The following NR3C1 variants were observed in gnomAD, a reference collection of about 807,000 sequenced individuals.
NR3C1 encodes nuclear receptor subfamily 3 group C member 1.
NR3C1 carries 14 observed loss-of-function variants against 74.0 expected under a neutral mutation model. The ratio of observed to expected loss-of-function variants is 0.19; its 90% CI spans 0.12 to 0.30. The LOEUF (loss-of-function observed/expected upper bound fraction) is 0.30, where lower values mean the gene tolerates loss of function less well. Among genes scored for constraint, NR3C1 ranks in the 10% least tolerant of loss-of-function variants. The pLI, the probability that NR3C1 is intolerant of heterozygous loss-of-function variation, is 1.00. For missense variants in NR3C1, 695 were observed against 909.8 expected (o/e 0.76, Z 3.04); for synonymous variants, 308 against 332.5 (o/e 0.93, Z 0.80).
chr5:143,284,199 G>GC (rs1176634557), intron 7 of NR3C1, among the ~76,000 whole-genome samples: 1 of 152,006 alleles, frequency 6.6e-6, no homozygotes, highest in Admixed American at 6.6e-5. Context: ...GCTCACCTTG[G>GC]CCTCCCAAAG....
intron 2 of NR3C1, among the ~76,000 whole-genome samples, chr5:143,374,544 C>G (rs549205354): frequency 1.3e-5 from 2 of 151,394 alleles, no homozygotes; most frequent in South Asian, 4.2e-4. Context: ...GGGTGATCAT[C>G]CAAATTTTCT....
intron 2 of NR3C1, among the ~76,000 whole-genome samples, chr5:143,357,589 C>T (rs1173974568): frequency 6.6e-6 from 1 of 152,216 alleles, no homozygotes; most frequent in Non-Finnish European, 1.5e-5. Flanking sequence ...TGCTCCCTTT[C>T]TCTTGCTCTC....
chr5:143,404,526 C>T, upstream of NR3C1: 1 of 978,218 alleles, frequency 1.0e-6, no homozygotes, highest in Non-Finnish European at 1.2e-6. Context: ...CCGTCCCCCA[C>T]CCTCTTCCCC....
intron 2 of NR3C1, among the ~76,000 whole-genome samples, chr5:143,321,971 T>C (rs745785975): frequency 2.0e-5 from 3 of 152,226 alleles, no homozygotes; most frequent in Admixed American, 2.0e-4. Context: ...CAAAGTTCAG[T>C]ATATGTTCAC....
intron 2 of NR3C1, among the ~76,000 whole-genome samples, chr5:143,379,129 T>C (rs1412408653): frequency 6.6e-6 from 1 of 152,144 alleles, no homozygotes; most frequent in Non-Finnish European, 1.5e-5. Context: ...GTCAAATATT[T>C]CTCTTCCTTT....
At chr5:143,302,706 T>G (rs1048650527) in intron 4 of NR3C1, among the ~76,000 whole-genome samples, 1 of 152,096 alleles carries the variant, frequency 6.6e-6, no homozygotes, top group African/African-American at 2.4e-5. Flanking sequence ...GAAAGTACAA[T>G]TGAACCCAAC....
rs1407413582 is a variant in NR3C1, at chr5:143,280,906, T to A, written c.*983A>T. The A allele has an allele frequency of 1.3e-5, 2 of 152,298 alleles. No individual in the cohort carries two copies. The highest frequency in any genetic ancestry group is 3.9e-4 in the East Asian group (2 of 5,180). 9.4% of individuals were successfully genotyped at this position (152,298 alleles called of 1,614,324 possible). ...TCAAAAGGTCCTGAAAGACAAATAG[T>A]TTACCAGCTTTCTTGCCATATAGCC... On this transcript the variant is annotated 3_prime_UTR_variant, in exon 9 of 9. Coordinates refer to ENST00000394464, the MANE Select transcript of NR3C1 (RefSeq NM_000176.3).
intron 2 of NR3C1, among the ~76,000 whole-genome samples, chr5:143,338,720 C>G (rs1362512417): frequency 6.6e-6 from 1 of 152,102 alleles, no homozygotes; most frequent in Non-Finnish European, 1.5e-5. Context: ...AAAAAAGTTA[C>G]AGTAGGCTAA....
chr5:143,313,881 T>C, intron 3 of NR3C1, 121 bp downstream of exon 3: 1 of 1,010,212 alleles, frequency 9.9e-7, no homozygotes, highest in South Asian at 1.3e-5. Flanking sequence ...GCCACCCTCC[T>C]CTCCCCTCTT....
At chr5:143,397,102 A>C (rs1486926598) in intron 2 of NR3C1, among the ~76,000 whole-genome samples, 1 of 151,854 alleles carries the variant, frequency 6.6e-6, no homozygotes, top group African/African-American at 2.4e-5. Context: ...TTACAATTTT[A>C]TGTGATAATT....
chr5:143,318,956 C>T (rs1352292610), intron 2 of NR3C1, among the ~76,000 whole-genome samples: 1 of 152,052 alleles, frequency 6.6e-6, no homozygotes, highest in Non-Finnish European at 1.5e-5. Flanking sequence ...TACTAAGATG[C>T]CAACAGTTTT....
chr5:143,428,888 C>A (rs771663879), intron 1 of NR3C1, among the ~76,000 whole-genome samples: 4 of 152,160 alleles, frequency 2.6e-5, no homozygotes, highest in Non-Finnish European at 4.4e-5. Context: ...TGGGGCACAC[C>A]CTGCAGACCT....
At chr5:143,393,973 A>T (rs1838747556) in intron 2 of NR3C1, among the ~76,000 whole-genome samples, 1 of 152,066 alleles carries the variant, frequency 6.6e-6, no homozygotes, top group Non-Finnish European at 1.5e-5. Flanking sequence ...CAAAAATAAA[A>T]ATTCAAGGTA....
chr5:143,430,934 C>T lies in NR3C1; in HGVS notation c.-14+3598G>A, dbSNP rs531194936. On this transcript the variant is annotated intron_variant, in intron 1 of 8. Transcript: ENST00000343796. ...TCACTGCAACCACTAAAAACACAGTCCCACATTATAAGTAATTCTGCTTAG... is the reference window on the plus strand; with the variant it reads ...TCACTGCAACCACTAAAAACACAGTTCCACATTATAAGTAATTCTGCTTAG... Among the ~76,000 whole-genome samples, 45 of 152,278 alleles carry T rather than the reference C, an allele frequency of 3.0e-4. No homozygotes were observed. In the South Asian group the frequency reaches 8.3e-3, roughly 28 times the overall value.
intron 8 of NR3C1, 101 bp downstream of exon 8, chr5:143,282,467 G>A: frequency 1.5e-6 from 2 of 1,353,698 alleles, no homozygotes; most frequent in Non-Finnish European, 2.1e-6. Flanking sequence ...CACAAACTGG[G>A]GGCGGGGGTG....
At chr5:143,338,602 CAGA>C (rs1187831227) in intron 2 of NR3C1, among the ~76,000 whole-genome samples, 5 of 152,036 alleles carry the variant, frequency 3.3e-5, no homozygotes, top group East Asian at 1.9e-4. Context: ...AAAAAGCTTA[CAGA>C]AGAAGGACAT....
chr5:143,370,343 C>G (rs1834026324), intron 2 of NR3C1, among the ~76,000 whole-genome samples: 2 of 152,112 alleles, frequency 1.3e-5, no homozygotes, highest in African/African-American at 4.8e-5. Flanking sequence ...ACAGAAGTAA[C>G]CTACTTTTTG....
At chr5:143,402,540 C>T in intron 1 of NR3C1, 6 of 961,510 alleles carry the variant, frequency 6.2e-6, no homozygotes, top group Non-Finnish European at 7.4e-6. Flanking sequence ...AGAGCAAGCC[C>T]TTGCGGGGCG....
intron 2 of NR3C1, among the ~76,000 whole-genome samples, chr5:143,395,855 C>T (rs62375507): frequency 0.011 from 1,710 of 151,916 alleles, 17 homozygotes; most frequent in Non-Finnish European, 0.02. Context: ...AAAGTAAACC[C>T]TTTTGATCCA....
Sources: gnomAD v4.1 joint callset for allele counts (sites outside exome capture counted in the v4.1 genomes callset) on GRCh38, gnomAD v4.1.1 for gene constraint, MANE v1.5 for transcripts, NCBI Gene and HGNC (gene_info 2026-07-23, HGNC 2026-07-21) for gene names.